TMEM131L: variants seen among roughly 807,000 people sequenced by gnomAD.
The protein encoded by TMEM131L is transmembrane 131 like.
Under a neutral mutation model 192.2 loss-of-function variants are expected in TMEM131L, and 54 were observed. The observed-to-expected ratio is 0.28, with a 90% CI of 0.23 to 0.35. The LOEUF is 0.35. TMEM131L is among the 10% of genes least tolerant of loss of function. The pLI is 1.00. For missense variants in TMEM131L, 1,888 were observed against 1,972.9 expected, an observed-to-expected ratio of 0.96 and a Z score of 0.82; for synonymous variants, 701 against 704.9, an observed-to-expected ratio of 0.99 and a Z score of 0.09.
At chr4:153,542,346 G>T (rs1736849499) in intron 3 of TMEM131L, among the ~76,000 whole-genome samples, 1 of 152,164 alleles carries the variant, frequency 6.6e-6, no homozygotes, top group Non-Finnish European at 1.5e-5. Flanking sequence ...GGCCAAGTCA[G>T]CTCGGTACTT....
intron 3 of TMEM131L, among the ~76,000 whole-genome samples, chr4:153,549,381 T>C (rs968334958): frequency 2.0e-5 from 3 of 152,250 alleles, no homozygotes; most frequent in Non-Finnish European, 2.9e-5. Context: ...TAAAATGTCA[T>C]ATGGAAGTTG....
chr4:153,487,427 C>T (rs1475159160), intron 3 of TMEM131L, among the ~76,000 whole-genome samples: 2 of 152,100 alleles, frequency 1.3e-5, no homozygotes, highest in Non-Finnish European at 2.9e-5. Flanking sequence ...CCAGGCTGAG[C>T]TTTGGTGTCC....
chr4:153,624,425 G>A (rs1243597959), intron 29 of TMEM131L, among the ~76,000 whole-genome samples: 1 of 152,166 alleles, frequency 6.6e-6, no homozygotes, highest in African/African-American at 2.4e-5. Flanking sequence ...GGCCTACTCA[G>A]CATTGTTATT....
At position 153,622,888 on chromosome 4, in the gene TMEM131L, C is replaced by T. The variant is rs1733538153; in HGVS notation, c.3860-10C>T. ...TTTCAGGGAAACATGACTCCTTTCACTTCCTCCAGAAGGTTACTACCAGAA... is the reference window on the plus strand; with the variant it reads ...TTTCAGGGAAACATGACTCCTTTCATTTCCTCCAGAAGGTTACTACCAGAA... On this transcript the variant is annotated splice_polypyrimidine_tract_variant and intron_variant, in intron 28 of 34. Coordinates refer to ENST00000409959, the MANE Select transcript of TMEM131L (RefSeq NM_001131007.2). 1.2e-6 allele frequency: 2 copies of T among 1,613,864 alleles called. No homozygotes were observed. Among genetic ancestry groups the T allele is most frequent in the African/African-American group, 2.7e-5 (2 of 74,936 alleles).
At chr4:153,591,573 T>A (rs1731068880) in intron 17 of TMEM131L, among the ~76,000 whole-genome samples, 1 of 152,176 alleles carries the variant, frequency 6.6e-6, no homozygotes, top group Non-Finnish European at 1.5e-5. Flanking sequence ...TGTCCATCCT[T>A]AGCGTGTTGA....
intron 21 of TMEM131L, among the ~76,000 whole-genome samples, chr4:153,600,684 G>A (rs1034160688): frequency 6.6e-6 from 1 of 152,180 alleles, no homozygotes; most frequent in Non-Finnish European, 1.5e-5. Flanking sequence ...AAGCATTTTA[G>A]TGTAACTATG....
At position 153,604,703 on chromosome 4, in the gene TMEM131L, TTTTA is replaced by T. The variant is rs755583666; in HGVS notation, c.3418+289_3418+292del. 3.3e-3 allele frequency among the ~76,000 whole-genome samples: 501 copies of T among 152,242 alleles called. 3 individuals are homozygous for T. The highest frequency in any genetic ancestry group is 0.011 in the African/African-American group (476 of 41,536). ...GATGGACATGGACACCTTTTTCTAA[TTTTA>T]TTTATTTATTTATTTGAGATGGAGT... is the stretch of plus-strand genomic sequence containing the variant. On this transcript the variant is annotated intron_variant, in intron 25 of 34. Coordinates refer to ENST00000409959, the MANE Select transcript of TMEM131L (RefSeq NM_001131007.2).
At chr4:153,621,654 GTT>G (rs112486435) in intron 27 of TMEM131L, 27 bp from the exon 28 acceptor site, 2 of 1,573,708 alleles carry the variant, frequency 1.3e-6, no homozygotes, top group Non-Finnish European at 1.7e-6. Flanking sequence ...ATACAGATGT[GTT>G]TTTTTGTGTG....
chr4:153,610,493 T>C (rs1439336431), intron 25 of TMEM131L, among the ~76,000 whole-genome samples: 1 of 152,222 alleles, frequency 6.6e-6, no homozygotes, highest in Non-Finnish European at 1.5e-5. Context: ...AGCCCCTTTT[T>C]CTGAAAGTAT....
At chr4:153,489,601 C>G (rs1732620786) in intron 3 of TMEM131L, among the ~76,000 whole-genome samples, 1 of 152,120 alleles carries the variant, frequency 6.6e-6, no homozygotes, top group African/African-American at 2.4e-5. Context: ...CCTCGGCCCC[C>G]TGAGTAGCTG....
chr4:153,560,953 A>T (rs1728806311), intron 7 of TMEM131L, among the ~76,000 whole-genome samples: 1 of 152,206 alleles, frequency 6.6e-6, no homozygotes, highest in Non-Finnish European at 1.5e-5. Flanking sequence ...CATTTTGAGG[A>T]ACTGTAAAAC....
chr4:153,591,207 T>C lies in TMEM131L; in HGVS notation c.1812+13T>C. The stretch of plus-strand genomic sequence containing the variant: ...TAGGAGCAGGATGGTGAGGACAGTG[T>C]GTCTTTTCATTTCTTTGTCAGTGAC... On this transcript the variant is annotated intron_variant, in intron 17 of 34. Coordinates refer to ENST00000409959, the MANE Select transcript of TMEM131L (RefSeq NM_001131007.2). 6.4e-7 allele frequency: 1 copy of C among 1,571,112 alleles called. No homozygotes were observed. The highest frequency in any genetic ancestry group is 8.6e-7 in the Non-Finnish European group (1 of 1,157,900).
At chr4:153,489,142 G>A (rs911727753) in intron 3 of TMEM131L, among the ~76,000 whole-genome samples, 2 of 152,142 alleles carry the variant, frequency 1.3e-5, no homozygotes, top group Admixed American at 1.3e-4. Context: ...AGTCCCCAGC[G>A]AGACTCGTCT....
At chr4:153,578,373 G>A (rs1013819646) in intron 7 of TMEM131L, among the ~76,000 whole-genome samples, 4 of 151,284 alleles carry the variant, frequency 2.6e-5, no homozygotes, top group African/African-American at 9.7e-5. Context: ...ATTTTTTTTT[G>A]AGACGGAGTT....
At chr4:153,520,180 G>A (rs1342943099) in intron 3 of TMEM131L, among the ~76,000 whole-genome samples, 3 of 152,064 alleles carry the variant, frequency 2.0e-5, no homozygotes, top group South Asian at 4.1e-4. Flanking sequence ...TGCCAGGCAC[G>A]GTGGCTCACG....
chr4:153,535,554 A>G (rs920834640), intron 3 of TMEM131L, among the ~76,000 whole-genome samples: 1 of 152,214 alleles, frequency 6.6e-6, no homozygotes. Context: ...GTGAAGCAAC[A>G]TAACAAAACC....
chr4:153,517,378 C>T lies in TMEM131L; in HGVS notation c.240-32695C>T, dbSNP rs150438121. On this transcript the variant is annotated intron_variant, in intron 3 of 34. Transcript: ENST00000409959. ...ACATGTTCTCTCATCCTCCCTTGCA[C>T]GGGTCCTTTACAAGGCCCTGGGCGG... Among the ~76,000 whole-genome samples, 95 of 152,306 alleles carry T rather than the reference C, an allele frequency of 6.2e-4. 1 individual carries two copies. In the Middle Eastern group the frequency reaches 0.01, roughly 16 times the overall value.
intron 3 of TMEM131L, among the ~76,000 whole-genome samples, chr4:153,512,487 A>C (rs181016893): frequency 6.6e-6 from 1 of 152,224 alleles, no homozygotes; most frequent in Non-Finnish European, 1.5e-5. Context: ...ACATTTTAAC[A>C]GAAAAGAATA....
rs77617397 is a variant in TMEM131L, at chr4:153,570,245, C to T, written c.661-10581C>T. On this transcript the variant is annotated intron_variant, in intron 7 of 34. Coordinates refer to ENST00000409959, the MANE Select transcript of TMEM131L (RefSeq NM_001131007.2). Reference sequence around the variant, plus strand: ...CTTCACATCCAAAAAAATTGGAAAACGTGTCCCCCCACTTCCCAGCCCTCC... The same window carrying T: ...CTTCACATCCAAAAAAATTGGAAAATGTGTCCCCCCACTTCCCAGCCCTCC... Among the ~76,000 whole-genome samples, 701 of 152,268 alleles carry T rather than the reference C, an allele frequency of 4.6e-3. 6 individuals are homozygous for T. The highest frequency in any genetic ancestry group is 0.016 in the African/African-American group (662 of 41,546).
Sources: allele counts gnomAD v4.1 joint callset (sites outside exome capture counted in the v4.1 genomes callset), GRCh38; gene constraint gnomAD v4.1.1; transcripts MANE v1.5; gene names NCBI Gene and HGNC (gene_info 2026-07-23, HGNC 2026-07-21).